The following ERBIN variants were observed in gnomAD, a reference collection of about 807,000 sequenced individuals.
ERBIN encodes the protein densin-180-like protein.
In ERBIN, 60 loss-of-function variants were observed where a neutral mutation model predicts 158.4. The observed-to-expected ratio is 0.38, with a 90% CI of 0.31 to 0.47. The LOEUF (loss-of-function observed/expected upper bound fraction) is 0.47. Among genes scored for constraint, ERBIN ranks in the 20% least tolerant of loss-of-function variants. ERBIN has a pLI of 0.99. For missense variants in ERBIN, 1,610 were observed against 1,648.0 expected (o/e 0.98, Z 0.40); for synonymous variants, 594 against 557.2 (o/e 1.07, Z -0.93).
chr5:66,026,217 C>A (rs1580390672), intron 12 of ERBIN, 85 bp from the exon 13 acceptor site: 2 of 859,066 alleles, frequency 2.3e-6, no homozygotes, highest in Non-Finnish European at 3.5e-6. Flanking sequence ...AAGTATTTTT[C>A]ATAACTTTCA....
At chr5:65,941,088 T>C (rs1304508879) in intron 1 of ERBIN, among the ~76,000 whole-genome samples, 2 of 152,120 alleles carry the variant, frequency 1.3e-5, no homozygotes, top group Non-Finnish European at 2.9e-5. Context: ...TGGTGCAAGA[T>C]GTGCTTTGTT....
chr5:66,053,656 A>G lies in ERBIN; in HGVS notation c.2338A>G (p.Ile780Val), dbSNP rs546001270. 6.2e-7 allele frequency: 1 copy of G among 1,613,784 alleles called. No individual in the cohort carries two copies. Among genetic ancestry groups the G allele is most frequent in the Admixed American group, 1.7e-5 (1 of 59,942 alleles). Residue 780 changes from isoleucine to valine, a missense_variant, in exon 21 of 26, where the codon ATC (isoleucine) becomes GTC (valine). Ile to Val is a conservative substitution (Grantham distance 29, BLOSUM62 3). Coordinates refer to ENST00000284037, the MANE Select transcript of ERBIN (RefSeq NM_001253697.2). ...AACTAATGATACATTTCAACCAGAG[A>G]TCATGGAAAGATCAAAAACACAGGA... The part of the protein sequence containing the change: ...LITNDTFQPE[I>V]MERSKTQDIV...
intron 1 of ERBIN, among the ~76,000 whole-genome samples, chr5:65,982,418 G>A (rs1019060501): frequency 3.3e-5 from 5 of 152,108 alleles, no homozygotes; most frequent in South Asian, 2.1e-4. Flanking sequence ...TCAGAGGACC[G>A]AGAACATGCA....
In ERBIN at chr5:66,053,743, A is replaced by T. The variant is rs1345967487; in HGVS notation, c.2425A>T (p.Asn809Tyr). Residue 809 changes from asparagine (N) to tyrosine (Y), a missense_variant, in exon 21 of 26, where the codon AAT (asparagine) becomes TAT (tyrosine). By Grantham distance (143) the Asn-to-Tyr change is moderately radical. Coordinates refer to ENST00000284037, the MANE Select transcript of ERBIN (RefSeq NM_001253697.2). ...TAAAGAGGAAACTGAGCACTTGGAA[A>T]ATGGAAACAAGTATCCTAATTTGGA... is the stretch of plus-strand genomic sequence containing the variant. ...NSKEETEHLE[N>Y]GNKYPNLESV... is the part of the protein sequence containing the mutation. 1 of 1,613,810 alleles carries T rather than the reference A, an allele frequency of 6.2e-7. No individual in the cohort carries two copies. Among genetic ancestry groups the T allele is most frequent in the Non-Finnish European group, 8.5e-7 (1 of 1,179,992 alleles).
At chr5:65,929,936 G>T (rs1288316962) in intron 1 of ERBIN, among the ~76,000 whole-genome samples, 1 of 152,046 alleles carries the variant, frequency 6.6e-6, no homozygotes, top group Non-Finnish European at 1.5e-5. Flanking sequence ...CACTGAGCCC[G>T]GCCTACTGCT....
intron 13 of ERBIN, 50 bp downstream of exon 13, chr5:66,026,467 T>C (rs776508729): frequency 9.9e-7 from 1 of 1,008,790 alleles, no homozygotes; most frequent in Admixed American, 2.5e-5. Context: ...ATTGGTTAGA[T>C]GAAATTAAGT....
intron 1 of ERBIN, among the ~76,000 whole-genome samples, chr5:65,974,211 A>G (rs1163380142): frequency 6.6e-6 from 1 of 152,126 alleles, no homozygotes; most frequent in Admixed American, 6.5e-5. Flanking sequence ...CTCAATAGGT[A>G]TATTGACAGT....
chr5:65,930,754 T>G (rs551088592), intron 1 of ERBIN, among the ~76,000 whole-genome samples: 1 of 152,354 alleles, frequency 6.6e-6, no homozygotes, highest in Non-Finnish European at 1.5e-5. Flanking sequence ...TATTATACTT[T>G]TGGCCTCTTA....
chr5:66,025,581 C>T (rs576330562), intron 11 of ERBIN, 29 bp downstream of exon 11: 15 of 1,506,712 alleles, frequency 1.0e-5, no homozygotes, highest in Admixed American at 5.4e-5. Flanking sequence ...TATACACCCT[C>T]GAAGATTTTA....
intron 25 of ERBIN, 44 bp from the exon 26 acceptor site, chr5:66,078,379 A>G (rs1438244796): frequency 8.2e-7 from 1 of 1,219,346 alleles, no homozygotes; most frequent in Non-Finnish European, 1.2e-6. Flanking sequence ...ATGCAAATAA[A>G]TAACTATAAA....
chr5:66,063,497 CG>C (rs1760669036), intron 21 of ERBIN, among the ~76,000 whole-genome samples: 3 of 152,226 alleles, frequency 2.0e-5, no homozygotes, highest in Non-Finnish European at 4.4e-5. Flanking sequence ...CCAGGTGAGG[CG>C]ATGCCTCACC....
chr5:66,056,105 G>A (rs888447761), intron 21 of ERBIN, among the ~76,000 whole-genome samples: 5 of 152,134 alleles, frequency 3.3e-5, no homozygotes, highest in African/African-American at 7.2e-5. Context: ...TTCTGGTGAC[G>A]TTGTGGAACT....
chr5:66,046,473 G>A lies in ERBIN; in HGVS notation c.1723G>A (p.Val575Met), dbSNP rs1758454563. ...TGAGATTAGTCCTGGGAGTTTACCA[G>A]TGACTGCAAATATGAAAGCCTCTGA... ...EAEISPGSLP[V>M]TANMKASENL... Residue 575 changes from valine (V) to methionine (M), a missense_variant, in exon 18 of 26, where the codon GTG (valine) becomes ATG (methionine). This residue lies in a region of ERBIN where 596 missense variants were observed against 711.9 expected (regional missense o/e 0.84). Coordinates refer to ENST00000284037, the MANE Select transcript of ERBIN (RefSeq NM_001253697.2). 1 of 1,611,694 alleles carries A rather than the reference G, an allele frequency of 6.2e-7. No individual in the cohort carries two copies. Among genetic ancestry groups the A allele is most frequent in the African/African-American group, 1.3e-5 (1 of 74,850 alleles).
rs1483486833 is a variant in ERBIN at position 66,021,481 on chromosome 5, G to A, written c.597+96G>A. ...TATTTCTCTTACAAATTGGATAAAGGTTTACTTTTTTTTCTTAGTTACAAG... is the reference window on the plus strand; with the variant it reads ...TATTTCTCTTACAAATTGGATAAAGATTTACTTTTTTTTCTTAGTTACAAG... On this transcript the variant is annotated intron_variant, in intron 8 of 25. Coordinates refer to ENST00000284037, the MANE Select transcript of ERBIN (RefSeq NM_001253697.2). 4 of 931,388 alleles carry A rather than the reference G, an allele frequency of 4.3e-6. No homozygotes were observed. The Admixed American group carries it at 9.6e-5, about 22-fold the overall frequency. The allele number at this position is 931,388 out of a possible 1,614,324, so 57.7% of individuals were successfully genotyped here.
chr5:65,928,861 A>AG (rs1275181470), intron 1 of ERBIN, among the ~76,000 whole-genome samples: 1 of 152,208 alleles, frequency 6.6e-6, no homozygotes, highest in Non-Finnish European at 1.5e-5. Context: ...AGGTTAATAG[A>AG]GGAGTCATCC....
Position 66,054,093 on chromosome 5 carries a change from G to C in ERBIN, c.2775G>C (p.Gln925His). Residue 925 changes from glutamine (Q) to histidine (H), a missense_variant, in exon 21 of 26, where the codon CAG becomes CAC. Transcript: ENST00000284037. ...CACTGTTGTATGATCAACCATTGCA[G>C]GTATTTACTGGTTCTTCCTCATCTT... ...SATLLYDQPL[Q>H]VFTGSSSSSD... 1 of 1,614,144 alleles carries C rather than the reference G, an allele frequency of 6.2e-7. No individual in the cohort carries two copies. The highest frequency in any genetic ancestry group is 8.5e-7 in the Non-Finnish European group (1 of 1,180,024).
chr5:65,998,806 G>T (rs1327359179), intron 4 of ERBIN, among the ~76,000 whole-genome samples: 1 of 150,882 alleles, frequency 6.6e-6, no homozygotes, highest in Non-Finnish European at 1.5e-5. Context: ...GTTGTGGGAG[G>T]ATTGCTTGAG....
chr5:66,056,637 A>G (rs1759610402), intron 21 of ERBIN, among the ~76,000 whole-genome samples: 1 of 151,974 alleles, frequency 6.6e-6, no homozygotes, highest in South Asian at 2.1e-4. Flanking sequence ...TGTTTTCACT[A>G]GTAATTTAGA....
Position 66,012,062 on chromosome 5 carries a change from T to C in ERBIN, c.321T>C (p.Phe107=), listed in dbSNP as rs376511451. 15 of 1,602,674 alleles carry C rather than the reference T, an allele frequency of 9.4e-6. No individual in the cohort carries two copies. Among genetic ancestry groups the C allele is most frequent in the East Asian group, 4.5e-5 (2 of 44,700 alleles). ...TTTGTTTTCTAGGAATACAGGAGTT[T>C]CCAGAAAATATAAAAAATTGTAAAG... ...LDVSKNGIQE[F]PENIKNCKVL... is the part of the protein sequence containing the mutation. Residue 107 remains phenylalanine (F), a synonymous_variant, in exon 5 of 26, where the codon TTT becomes TTC. Coordinates refer to ENST00000284037, the MANE Select transcript of ERBIN (RefSeq NM_001253697.2).
Sources: gnomAD v4.1 joint callset for allele counts (sites outside exome capture counted in the v4.1 genomes callset) on GRCh38, gnomAD v4.1.1 for gene constraint, gnomAD v4.1.1 regional missense constraint, MANE v1.5 for transcripts, NCBI Gene and HGNC (gene_info 2026-07-23, HGNC 2026-07-21) for gene names.